Variants in NARS2 observed in about 807,000 individuals in gnomAD.
NARS2 encodes asparaginyl-tRNA synthetase.
Under a neutral mutation model 62.9 loss-of-function variants are expected in NARS2, and 60 were observed. The observed-to-expected ratio is 0.95, with a 90% CI of 0.77 to 1.18. The LOEUF (loss-of-function observed/expected upper bound fraction) is 1.18, where lower values mean the gene tolerates loss of function less well. Among genes scored for constraint, NARS2 ranks in the 50% most tolerant of loss-of-function variants. The pLI, the probability that NARS2 is intolerant of heterozygous loss-of-function variation, is 0.00. For missense variants in NARS2, 619 were observed against 576.4 expected, an observed-to-expected ratio of 1.07 and a Z score of -0.76; for synonymous variants, 196 against 200.0, an observed-to-expected ratio of 0.98 and a Z score of 0.17.
chr11:78,560,590 G>A (rs902554814), intron 4 of NARS2, among the ~76,000 whole-genome samples: 1 of 152,182 alleles, frequency 6.6e-6, no homozygotes, highest in Non-Finnish European at 1.5e-5. Context: ...TGCCAAGTTT[G>A]GTGGAGTGTA....
At chr11:78,472,336 A>C (rs1403845840) in intron 9 of NARS2, among the ~76,000 whole-genome samples, 1 of 152,198 alleles carries the variant, frequency 6.6e-6, no homozygotes, top group African/African-American at 2.4e-5. Context: ...TTCATATTCC[A>C]CATTTTTCAT....
intron 2 of NARS2, among the ~76,000 whole-genome samples, chr11:78,569,214 T>C (rs1856837561): frequency 6.6e-6 from 1 of 152,194 alleles, no homozygotes; most frequent in Non-Finnish European, 1.5e-5. Context: ...GAGTTCAAGT[T>C]CTCCCATAGA....
chr11:78,493,568 G>A (rs771494724), intron 6 of NARS2, among the ~76,000 whole-genome samples: 3 of 151,990 alleles, frequency 2.0e-5, no homozygotes, highest in African/African-American at 4.8e-5. Flanking sequence ...TGAGGCAGGA[G>A]GATCGTTTGA....
intron 6 of NARS2, among the ~76,000 whole-genome samples, chr11:78,509,251 G>A (rs1417412035): frequency 6.6e-6 from 1 of 151,972 alleles, no homozygotes; most frequent in Non-Finnish European, 1.5e-5. Context: ...TCCTTCAAAA[G>A]TAAGGGAGAA....
chr11:78,509,292 A>G (rs1310908221), intron 6 of NARS2, among the ~76,000 whole-genome samples: 1 of 152,108 alleles, frequency 6.6e-6, no homozygotes, highest in African/African-American at 2.4e-5. Context: ...ACAAAACCTA[A>G]AAGAGTTTGT....
intron 11 of NARS2, among the ~76,000 whole-genome samples, chr11:78,454,847 G>A (rs781500521): frequency 1.3e-5 from 2 of 152,072 alleles, no homozygotes; most frequent in African/African-American, 2.4e-5. Context: ...TCGAACTCCT[G>A]ACCTTGTGAT....
intron 4 of NARS2, among the ~76,000 whole-genome samples, chr11:78,561,221 C>T (rs1013430012): frequency 5.3e-5 from 8 of 152,058 alleles, no homozygotes; most frequent in South Asian, 2.1e-4. Flanking sequence ...AAGTTCCTAA[C>T]GTTACCAAAT....
intron 5 of NARS2, among the ~76,000 whole-genome samples, chr11:78,552,077 C>T (rs1856143071): frequency 6.6e-6 from 1 of 152,112 alleles, no homozygotes; most frequent in Non-Finnish European, 1.5e-5. Context: ...GTTTGTTGTA[C>T]ATATTACATA....
chr11:78,503,264 A>C (rs1860355076), intron 6 of NARS2, among the ~76,000 whole-genome samples: 1 of 152,124 alleles, frequency 6.6e-6, no homozygotes, highest in Admixed American at 6.5e-5. Context: ...TGAATGGTAC[A>C]CTGAGCTCCT....
At chr11:78,533,925 T>C (rs1443460087) in intron 5 of NARS2, among the ~76,000 whole-genome samples, 2 of 152,218 alleles carry the variant, frequency 1.3e-5, no homozygotes. Flanking sequence ...GATTGGTCTC[T>C]TTGACTTAGT....
At chr11:78,465,307 G>C (rs749647172) in intron 11 of NARS2, among the ~76,000 whole-genome samples, 1 of 152,254 alleles carries the variant, frequency 6.6e-6, no homozygotes, top group African/African-American at 2.4e-5. Context: ...CCCACAAGCT[G>C]AGGGAGCCGG....
At chr11:78,442,950 G>A (rs1857619972) in intron 12 of NARS2, among the ~76,000 whole-genome samples, 1 of 152,034 alleles carries the variant, frequency 6.6e-6, no homozygotes, top group African/African-American at 2.4e-5. Context: ...CCTTTCCCTG[G>A]CTCAGAGTTT....
intron 4 of NARS2, among the ~76,000 whole-genome samples, chr11:78,564,781 A>G (rs572233932): frequency 2.6e-5 from 4 of 152,260 alleles, no homozygotes; most frequent in African/African-American, 4.8e-5. Context: ...GGACCCCTAC[A>G]AACTATAATG....
Position 78,518,945 on chromosome 11 carries a change from A to G in NARS2, c.689+9897T>C, listed in dbSNP as rs530571455. ...CGTTATTTCAGTTGAGCCTTTAGGA[A>G]TGACCACATATGGAAAACGCAATCT... On this transcript the variant is annotated intron_variant, in intron 6 of 13. Coordinates refer to ENST00000281038, the MANE Select transcript of NARS2 (RefSeq NM_024678.6). 2.4e-4 allele frequency among the ~76,000 whole-genome samples: 37 copies of G among 152,366 alleles called. No individual in the cohort carries two copies. The Middle Eastern group carries it at 0.01, about 42-fold the overall frequency.
chr11:78,559,594 G>A lies in NARS2; in HGVS notation c.539C>T (p.Thr180Ile). 1.2e-6 allele frequency: 2 copies of A among 1,612,562 alleles called. No individual in the cohort carries two copies. The highest frequency in any genetic ancestry group is 8.5e-7 in the Non-Finnish European group (1 of 1,178,848). Residue 180 changes from threonine (T) to isoleucine (I), a missense_variant, in exon 5 of 14, where the codon ACT (threonine) becomes ATT (isoleucine). Coordinates refer to ENST00000281038, the MANE Select transcript of NARS2 (RefSeq NM_024678.6). ...AGAGTCATTGGATGTGATTATTGGA[G>A]TATGAATATGTACAAAGCCACTGTC... The part of the protein sequence containing the change: ...FKDSGFVHIH[T>I]PIITSNDSEG...
At chr11:78,469,162 T>C in intron 10 of NARS2, 85 bp downstream of exon 10, 1 of 909,272 alleles carries the variant, frequency 1.1e-6, no homozygotes, top group Admixed American at 1.9e-5. Flanking sequence ...ATTAAGATGA[T>C]TTTGAAAGAT....
Position 78,436,696 on chromosome 11 carries a change from T to C in NARS2, c.1408A>G (p.Arg470Gly), listed in dbSNP as rs1261863895. The change falls in exon 14 of 14, where the codon AGG becomes GGG. Residue 470 changes from arginine to glycine, a missense_variant. Coordinates refer to ENST00000281038, the MANE Select transcript of NARS2 (RefSeq NM_024678.6). Reference sequence around the variant, plus strand: ...TATAAAAGGCATGAATGAGGAAACCTTGGGAAAGGGATAACATCTTTGATA... The same window carrying C: ...TATAAAAGGCATGAATGAGGAAACCCTGGGAAAGGGATAACATCTTTGATA... Reference protein sequence around the residue: ...DNIKDVIPFPRFPHSCLL With the variant: ...DNIKDVIPFPGFPHSCLL 1 of 1,614,188 alleles carries C rather than the reference T, an allele frequency of 6.2e-7. No homozygotes were observed. The highest frequency in any genetic ancestry group is 1.6e-4 in the Middle Eastern group (1 of 6,062).
intron 5 of NARS2, among the ~76,000 whole-genome samples, chr11:78,542,077 A>T (rs1855642692): frequency 6.6e-6 from 1 of 152,206 alleles, no homozygotes; most frequent in Non-Finnish European, 1.5e-5. Context: ...AACTGCTAGT[A>T]TAAAAATAAT....
intron 13 of NARS2, 138 bp from the exon 14 acceptor site, chr11:78,436,952 CACAG>C (rs1857429338): frequency 5.1e-6 from 4 of 782,346 alleles, no homozygotes; most frequent in South Asian, 1.9e-5. Flanking sequence ...CTTTCCCCTC[CACAG>C]ACAGACAATG....
Sources: gnomAD v4.1 joint callset for allele counts (sites outside exome capture counted in the v4.1 genomes callset) on GRCh38, gnomAD v4.1.1 for gene constraint, MANE v1.5 for transcripts, NCBI Gene and HGNC (gene_info 2026-07-23, HGNC 2026-07-21) for gene names.